Variants in BUB1 observed in about 807,000 individuals in gnomAD.
BUB1 encodes the protein BUB1 mitotic checkpoint serine/threonine kinase, also known as mitotic checkpoint serine/threonine-protein kinase BUB1.
In BUB1, 84 loss-of-function variants were observed where a neutral mutation model predicts 135.2. That is an observed-to-expected ratio of 0.62 (90% CI 0.52 to 0.74). The LOEUF (loss-of-function observed/expected upper bound fraction) is 0.74. Ranked by LOEUF, BUB1 falls within the 30% of genes least tolerant of loss-of-function variation. The pLI, the probability that BUB1 is intolerant of heterozygous loss-of-function variation, is 0.00. For synonymous variants in BUB1, 403 were observed against 434.4 expected (o/e 0.93, Z 0.90); for missense variants, 1,162 against 1,288.3 (o/e 0.90, Z 1.50).
chr2:110,641,900 T>C, intron 20 of BUB1, 97 bp from the exon 21 acceptor site: 7 of 1,349,066 alleles, frequency 5.2e-6, no homozygotes, highest in Non-Finnish European at 7.1e-6. Flanking sequence ...GTGGTGTTGA[T>C]AGTGATGACA....
At chr2:110,659,262 C>T (rs190757691) in intron 11 of BUB1, among the ~76,000 whole-genome samples, 19 of 152,234 alleles carry the variant, frequency 1.2e-4, no homozygotes, top group African/African-American at 4.1e-4. Context: ...ACTTAATATT[C>T]CCTCTGTCTG....
intron 5 of BUB1, among the ~76,000 whole-genome samples, chr2:110,670,015 T>G (rs1229295642): frequency 6.6e-6 from 1 of 151,868 alleles, no homozygotes; most frequent in South Asian, 2.1e-4. Context: ...GCTTTTAAAA[T>G]GCTAAGACAA....
intron 11 of BUB1, among the ~76,000 whole-genome samples, chr2:110,658,973 G>C (rs536405041): frequency 6.6e-6 from 1 of 152,338 alleles, no homozygotes; most frequent in African/African-American, 2.4e-5. Context: ...TGAAGGCTGA[G>C]AGAGATTGAG....
Position 110,674,384 on chromosome 2 carries a change from T to G in BUB1, c.27-19A>C, listed in dbSNP as rs986373586. 4.3e-6 allele frequency: 7 copies of G among 1,611,004 alleles called. No individual in the cohort carries two copies. The African/African-American group carries it at 9.4e-5, about 22-fold the overall frequency. ...AAGCATCCTAGAAGAGAGAAAGGTA[T>G]GCACATGGGATATTAGGGATAATTT... On this transcript the variant is annotated intron_variant, in intron 1 of 24. Coordinates refer to ENST00000302759, the MANE Select transcript of BUB1 (RefSeq NM_004336.5).
chr2:110,638,327 G>A (rs185997494), intron 24 of BUB1, among the ~76,000 whole-genome samples, 168 bp from the exon 25 acceptor site: 20 of 152,224 alleles, frequency 1.3e-4, no homozygotes, highest in African/African-American at 4.8e-4. Context: ...TTATACATGA[G>A]AGAGATTAAA....
chr2:110,655,999 C>T, intron 15 of BUB1, 83 bp from the exon 16 acceptor site: 1 of 1,306,076 alleles, frequency 7.7e-7, no homozygotes, highest in Non-Finnish European at 1.1e-6. Context: ...CTTTAAGATC[C>T]AAAGAAATGA....
Position 110,678,014 on chromosome 2 carries a change from G to T in BUB1, c.-19C>A. On this transcript the variant is annotated 5_prime_UTR_variant, in exon 1 of 25. Transcript: ENST00000302759. ...TGTCCATGGCCAGAGGACGCTGGCC[G>T]GCAGCGGCCAAACCTGAACCGCAAA... 6.2e-7 allele frequency: 1 copy of T among 1,602,012 alleles called. No homozygotes were observed. The highest frequency in any genetic ancestry group is 8.5e-7 in the Non-Finnish European group (1 of 1,175,180).
At chr2:110,659,081 A>G (rs576606454) in intron 11 of BUB1, among the ~76,000 whole-genome samples, 1 of 152,234 alleles carries the variant, frequency 6.6e-6, no homozygotes, top group East Asian at 1.9e-4. Flanking sequence ...AAATCTTAAG[A>G]TTGGCTTCCC....
rs1200297930 is a variant in BUB1, at chr2:110,655,931, G to A, written c.1699-15C>T. The A allele has an allele frequency of 1.6e-5, 26 of 1,599,444 alleles. No individual in the cohort carries two copies. In the Admixed American group the frequency reaches 1.9e-4, roughly 12 times the overall value. Reference sequence around the variant, plus strand: ...GGCACTTCCTCCTATAACAGAAGATGAAATGAAAAAAAAGCAGCAATCTCC... The same window carrying A: ...GGCACTTCCTCCTATAACAGAAGATAAAATGAAAAAAAAGCAGCAATCTCC... On this transcript the variant is annotated splice_polypyrimidine_tract_variant and intron_variant, in intron 15 of 24. Coordinates refer to ENST00000302759, the MANE Select transcript of BUB1 (RefSeq NM_004336.5).
intron 24 of BUB1, among the ~76,000 whole-genome samples, chr2:110,639,434 A>G (rs943568055): frequency 2.0e-5 from 3 of 151,834 alleles, no homozygotes; most frequent in African/African-American, 7.3e-5. Flanking sequence ...AGAAAAAACC[A>G]GTGAGAACCT....
chr2:110,666,171 G>A, intron 9 of BUB1, 92 bp downstream of exon 9: 1 of 1,215,070 alleles, frequency 8.2e-7, no homozygotes, highest in Non-Finnish European at 1.1e-6. Context: ...ATTAACATCA[G>A]AATTAACTCT....
rs200385130 is a variant in BUB1 at position 110,642,175 on chromosome 2, C to T, written c.2407G>A (p.Glu803Lys). ...LGEGAFAQVY[E>K]ATQGDLNDAK... ...TCATTCAGATCTCCCTGGGTAGCTT[C>T]GTACACCTGGGCAAAGGCTCCTTCT... Residue 803 changes from glutamate to lysine, a missense_variant, in exon 20 of 25, where the codon GAA (glutamate) becomes AAA (lysine). Coordinates refer to ENST00000302759, the MANE Select transcript of BUB1 (RefSeq NM_004336.5). 50 of 1,613,662 alleles carry T rather than the reference C, an allele frequency of 3.1e-5. No individual in the cohort carries two copies. In the Middle Eastern group the frequency reaches 6.6e-4, roughly 21 times the overall value.
At chr2:110,646,488 A>G (rs1008627792) in intron 19 of BUB1, among the ~76,000 whole-genome samples, 3 of 152,320 alleles carry the variant, frequency 2.0e-5, no homozygotes, top group African/African-American at 7.2e-5. Context: ...TTTATGGAAT[A>G]CTTCATCGAA....
intron 19 of BUB1, 124 bp from the exon 20 acceptor site, chr2:110,642,358 T>A: frequency 1.8e-6 from 1 of 559,434 alleles, no homozygotes; most frequent in Non-Finnish European, 3.2e-6. Context: ...CTGCAGTTGT[T>A]AACTCTTACA....
intron 1 of BUB1, among the ~76,000 whole-genome samples, chr2:110,676,907 T>C (rs543619502): frequency 6.6e-6 from 1 of 152,224 alleles, no homozygotes; most frequent in African/African-American, 2.4e-5. Context: ...TATAAACGCA[T>C]TGCTTATTTT....
intron 9 of BUB1, among the ~76,000 whole-genome samples, chr2:110,663,937 G>A (rs948906843): frequency 2.6e-5 from 4 of 151,346 alleles, no homozygotes; most frequent in African/African-American, 7.3e-5. Context: ...GCTGAGGCAG[G>A]AGAATGGCGT....
At chr2:110,673,939 G>T in intron 3 of BUB1, 147 bp downstream of exon 3, 1 of 687,138 alleles carries the variant, frequency 1.5e-6, no homozygotes, top group Non-Finnish European at 2.3e-6. Context: ...GAAGTCTGTT[G>T]AATCAGAGAA....
chr2:110,659,901 A>C (rs1574326826), intron 11 of BUB1, 77 bp downstream of exon 11: 1 of 1,316,808 alleles, frequency 7.6e-7, no homozygotes, highest in Non-Finnish European at 1.1e-6. Flanking sequence ...GCCTTCATAA[A>C]CCACAGCCAC....
At chr2:110,638,869 GAACCT>G (rs1326019423) in intron 24 of BUB1, among the ~76,000 whole-genome samples, 5 of 152,190 alleles carry the variant, frequency 3.3e-5, no homozygotes, top group South Asian at 4.1e-4. Context: ...TCCAGGGCCT[GAACCT>G]AACCTTACTT....
Sources: gnomAD v4.1 joint callset for allele counts (sites outside exome capture counted in the v4.1 genomes callset) on GRCh38, gnomAD v4.1.1 for gene constraint, MANE v1.5 for transcripts, NCBI Gene and HGNC (gene_info 2026-07-23, HGNC 2026-07-21) for gene names.